HGD: variants seen among roughly 807,000 people sequenced by gnomAD.
HGD encodes the protein homogentisate oxidase.
In HGD, 61 loss-of-function variants were observed where a neutral mutation model predicts 60.8. The ratio of observed to expected loss-of-function variants is 1.00; its 90% CI spans 0.82 to 1.24. HGD has a LOEUF of 1.24. HGD is among the 50% of genes most tolerant of loss of function. The pLI is 0.00. For missense variants in HGD, 542 were observed against 547.1 expected, an observed-to-expected ratio of 0.99 and a Z score of 0.09; for synonymous variants, 212 against 187.7, an observed-to-expected ratio of 1.13 and a Z score of -1.06.
chr3:120,666,474 A>G (rs1707902269), intron 4 of HGD, among the ~76,000 whole-genome samples: 1 of 152,002 alleles, frequency 6.6e-6, no homozygotes, highest in Non-Finnish European at 1.5e-5. Context: ...CAATGCAGCT[A>G]TTATTATTAT....
intron 13 of HGD, among the ~76,000 whole-genome samples, chr3:120,629,945 T>C (rs1009406484): frequency 6.6e-6 from 1 of 152,142 alleles, no homozygotes; most frequent in Non-Finnish European, 1.5e-5. Flanking sequence ...ACAAAATCAA[T>C]GTACAAAAAT....
At chr3:120,642,760 A>G (rs1941029054) in intron 10 of HGD, among the ~76,000 whole-genome samples, 1 of 152,204 alleles carries the variant, frequency 6.6e-6, no homozygotes, top group African/African-American at 2.4e-5. Context: ...ACAGTCCTAA[A>G]CAGCGAGGAA....
At chr3:120,664,989 C>A (rs942266741) in intron 4 of HGD, among the ~76,000 whole-genome samples, 1 of 152,062 alleles carries the variant, frequency 6.6e-6, no homozygotes, top group African/African-American at 2.4e-5. Context: ...GGCTGAATTG[C>A]ATAGGGTTAA....
intron 10 of HGD, among the ~76,000 whole-genome samples, chr3:120,643,074 T>A (rs1373642046): frequency 6.6e-6 from 1 of 152,230 alleles, no homozygotes; most frequent in Admixed American, 6.5e-5. Context: ...TAGGTTTCCA[T>A]GTCCCATCTC....
chr3:120,639,708 G>A lies in HGD; in HGVS notation c.880-1127C>T, dbSNP rs113762162. On this transcript the variant is annotated intron_variant, in intron 11 of 13. Transcript: ENST00000283871. Reference sequence around the variant, plus strand: ...GATGTGCTCCTCTTTGGGAGAATACGGAGATTCCAGATTGTATCCATTGGC... The same window carrying A: ...GATGTGCTCCTCTTTGGGAGAATACAGAGATTCCAGATTGTATCCATTGGC... 2.8e-4 allele frequency among the ~76,000 whole-genome samples: 42 copies of A among 150,524 alleles called. 1 individual carries two copies. Among genetic ancestry groups the A allele is most frequent in the African/African-American group, 9.0e-4 (37 of 40,884 alleles).
intron 4 of HGD, among the ~76,000 whole-genome samples, chr3:120,661,626 A>T (rs1707768893): frequency 6.6e-6 from 1 of 152,234 alleles, no homozygotes; most frequent in Non-Finnish European, 1.5e-5. Context: ...ATTCTTATAT[A>T]TGGAAAATAA....
chr3:120,643,967 T>G (rs1251019114), intron 10 of HGD, among the ~76,000 whole-genome samples: 3 of 152,190 alleles, frequency 2.0e-5, no homozygotes, highest in Non-Finnish European at 4.4e-5. Context: ...CAGAACATAT[T>G]ATGCTGCCCA....
intron 11 of HGD, among the ~76,000 whole-genome samples, chr3:120,640,463 G>A (rs1167920286): frequency 6.6e-6 from 1 of 152,176 alleles, no homozygotes; most frequent in Non-Finnish European, 1.5e-5. Context: ...TCAGAGTGCA[G>A]ACTTAATCCT....
intron 13 of HGD, among the ~76,000 whole-genome samples, chr3:120,630,822 A>ATG (rs1940564105): frequency 2.4e-5 from 2 of 85,054 alleles, no homozygotes; most frequent in Non-Finnish European, 2.3e-5. Context: ...ATATATATAT[A>ATG]TATACACATA....
chr3:120,652,036 G>C (rs1056525093), intron 5 of HGD, among the ~76,000 whole-genome samples: 7 of 152,070 alleles, frequency 4.6e-5, no homozygotes, highest in African/African-American at 1.7e-4. Flanking sequence ...TAAAAATCAT[G>C]GATATCACAT....
intron 8 of HGD, among the ~76,000 whole-genome samples, chr3:120,646,656 T>TAAA (rs201866348): frequency 7.1e-6 from 1 of 141,314 alleles, no homozygotes. Flanking sequence ...TTAGCCACAC[T>TAAA]AAAAAAAAAA....
At position 120,644,433 on chromosome 3, in the gene HGD, G is replaced by C. The variant is rs779777032; in HGVS notation, c.660C>G (p.Gly220=). ...TCAAGAAATCACGAGGATTGGCCAAGCCATTGGCCCCTAGAAAACAGTAAC... is the reference window on the plus strand; with the variant it reads ...TCAAGAAATCACGAGGATTGGCCAACCCATTGGCCCCTAGAAAACAGTAAC... ...LPDLGPIGAN[G]LANPRDFLIP... Residue 220 remains glycine (G), a synonymous_variant, in exon 10 of 14, where the codon GGC becomes GGG. Transcript: ENST00000283871. 6.2e-7 allele frequency: 1 copy of C among 1,614,084 alleles called. No individual in the cohort carries two copies. The highest frequency in any genetic ancestry group is 1.1e-5 in the South Asian group (1 of 91,080).
In HGD at chr3:120,647,889, C is replaced by A; in HGVS notation, c.457G>T (p.Asp153Tyr). The A allele has an allele frequency of 6.2e-7, 1 of 1,612,292 alleles. No individual in the cohort carries two copies. ...ENRCFYNSDGDFLIVPQKGNL... is the reference protein window; with the variant it reads ...ENRCFYNSDGYFLIVPQKGNL... The stretch of plus-strand genomic sequence containing the variant: ...CTTCAGAACTCACCAATCAAGAAGT[C>A]CCCATCTGAATTGTAAAAGCATCTG... Residue 153 changes from aspartate (D) to tyrosine (Y), a missense_variant, in exon 7 of 14, where the codon GAC becomes TAC. Asp to Tyr is a radical substitution (Grantham distance 160). This residue lies in a region of HGD where 537 missense variants were observed against 529.1 expected (regional missense o/e 1.01). Transcript: ENST00000283871.
At chr3:120,672,702 A>G (rs1468018297) in intron 3 of HGD, among the ~76,000 whole-genome samples, 1 of 152,168 alleles carries the variant, frequency 6.6e-6, no homozygotes, top group East Asian at 1.9e-4. Context: ...GAGAGTTACT[A>G]GACTTCCTGA....
intron 4 of HGD, among the ~76,000 whole-genome samples, chr3:120,660,700 C>A (rs1006645031): frequency 6.6e-6 from 1 of 152,146 alleles, no homozygotes; most frequent in African/African-American, 2.4e-5. Flanking sequence ...TGGTGGGCAC[C>A]TGTAATCCCA....
intron 4 of HGD, among the ~76,000 whole-genome samples, chr3:120,662,195 TG>T (rs371709927): frequency 5.9e-5 from 9 of 152,098 alleles, no homozygotes; most frequent in African/African-American, 2.2e-4. Context: ...TGCACTGGAT[TG>T]GCTGGGCAGT....
chr3:120,648,727 C>G (rs956989148), intron 6 of HGD, among the ~76,000 whole-genome samples: 3 of 152,184 alleles, frequency 2.0e-5, no homozygotes, highest in Admixed American at 2.0e-4. Flanking sequence ...CCCTGGGGAA[C>G]CTTAGAAATT....
chr3:120,681,374 A>C (rs1708227099), intron 1 of HGD, among the ~76,000 whole-genome samples: 1 of 152,230 alleles, frequency 6.6e-6, no homozygotes, highest in South Asian at 2.1e-4. Flanking sequence ...TTAAGATACC[A>C]GTCTAGTAGG....
At chr3:120,649,139 C>CTTTTTTTTTTTTTTTTT (rs10572267) in intron 6 of HGD, among the ~76,000 whole-genome samples, 1 of 94,422 alleles carries the variant, frequency 1.1e-5, no homozygotes, top group Non-Finnish European at 2.1e-5. Flanking sequence ...TCTTCTTTTT[C>CTTTTTTTTTTTTTTTTT]TTTTTTTTTT....
Sources: allele counts gnomAD v4.1 joint callset (sites outside exome capture counted in the v4.1 genomes callset), GRCh38; gene constraint gnomAD v4.1.1; regional missense constraint gnomAD v4.1.1; transcripts MANE v1.5; gene names NCBI Gene and HGNC (gene_info 2026-07-23, HGNC 2026-07-21).